Variants in VANGL2 observed in about 807,000 individuals in gnomAD.
VANGL2 encodes the protein VANGL planar cell polarity protein 2.
In VANGL2, 14 loss-of-function variants were observed where a neutral mutation model predicts 50.2. The observed-to-expected ratio is 0.28, with a 90% CI of 0.18 to 0.44. The LOEUF (loss-of-function observed/expected upper bound fraction) is 0.44, where lower values mean the gene tolerates loss of function less well. Among genes scored for constraint, VANGL2 ranks in the 20% least tolerant of loss-of-function variants. The pLI is 1.00. For missense variants in VANGL2, 533 were observed against 701.5 expected (o/e 0.76, Z 2.71); for synonymous variants, 295 against 297.2 (o/e 0.99, Z 0.08).
intron 3 of VANGL2, 121 bp downstream of exon 3, chr1:160,416,303 G>C: frequency 1.3e-6 from 2 of 1,547,254 alleles, no homozygotes; most frequent in Non-Finnish European, 1.8e-6. Flanking sequence ...TCAGATCGGG[G>C]AGTGTGTTTT....
At chr1:160,411,850 G>C (rs1446492363) in intron 1 of VANGL2, among the ~76,000 whole-genome samples, 2 of 152,018 alleles carry the variant, frequency 1.3e-5, no homozygotes, top group Admixed American at 1.3e-4. Flanking sequence ...TGTTTGAAGT[G>C]GTGGTTCTGG....
At chr1:160,422,169 C>T (rs1651297514) in intron 6 of VANGL2, among the ~76,000 whole-genome samples, 1 of 152,188 alleles carries the variant, frequency 6.6e-6, no homozygotes, top group Admixed American at 6.5e-5. Flanking sequence ...TACCTTGTTC[C>T]TATTTGAGGC....
At chr1:160,405,239 T>C (rs1650611894) in intron 1 of VANGL2, among the ~76,000 whole-genome samples, 1 of 152,144 alleles carries the variant, frequency 6.6e-6, no homozygotes, top group African/African-American at 2.4e-5. Flanking sequence ...ACCCTGTGCA[T>C]GATGAGATTT....
Position 160,426,879 on chromosome 1 carries a change from C to G in VANGL2, c.*1501C>G, listed in dbSNP as rs1345121298. The G allele has an allele frequency of 6.6e-6, 1 of 152,310 alleles. No homozygotes were observed. Among genetic ancestry groups the G allele is most frequent in the Non-Finnish European group, 1.5e-5 (1 of 68,108 alleles). 9.4% of individuals were successfully genotyped at this position (152,310 alleles called of 1,614,324 possible). On this transcript the variant is annotated 3_prime_UTR_variant, in exon 8 of 8. Transcript: ENST00000368061. ...CTTTTCCCTGAAAGACTGGTTGGTA[C>G]TTACCTTGCAGAGCACATCCTGGGA... is the stretch of plus-strand genomic sequence containing the variant.
chr1:160,404,863 C>T (rs146951084), intron 1 of VANGL2, among the ~76,000 whole-genome samples: 6 of 152,272 alleles, frequency 3.9e-5, no homozygotes, highest in African/African-American at 7.2e-5. Flanking sequence ...GGAGGCTGAG[C>T]GTGAGCAAGA....
rs1651513229 is a variant in VANGL2, at chr1:160,427,848, T to G, written c.*2470T>G. On this transcript the variant is annotated 3_prime_UTR_variant, in exon 8 of 8. Transcript: ENST00000368061. ...GGCTGGGCCTCACCAGCACTGTCTT[T>G]TGTGTGACTCATGGCATCCTCGTTC... The G allele has an allele frequency of 6.5e-6, 1 of 152,710 alleles. No individual in the cohort carries two copies. Among genetic ancestry groups the G allele is most frequent in the Admixed American group, 6.5e-5 (1 of 15,274 alleles). 9.5% of individuals were successfully genotyped at this position (152,710 alleles called of 1,614,324 possible).
Position 160,419,102 on chromosome 1 carries a change from G to T in VANGL2, c.293G>T (p.Ser98Ile). The T allele has an allele frequency of 1.2e-6, 2 of 1,614,198 alleles. No homozygotes were observed. Among genetic ancestry groups the T allele is most frequent in the South Asian group, 2.2e-5 (2 of 91,088 alleles). ...LTRIAKDMED[S>I]VPLDCSRHLG... ...CGCATCGCCAAGGACATGGAGGACA[G>T]TGTCCCTCTGGACTGCTCCCGTCAC... The change falls in exon 4 of 8, where the codon AGT becomes ATT. Residue 98 changes from serine (S) to isoleucine (I), a missense_variant. Ser to Ile is a moderately radical substitution (Grantham distance 142). Transcript: ENST00000368061. The surrounding 1 kb of genome is among the most constrained non-coding windows in gnomAD (Gnocchi z 5.8).
intron 1 of VANGL2, among the ~76,000 whole-genome samples, chr1:160,402,399 C>CTG (rs1477904254): frequency 2.0e-5 from 3 of 152,128 alleles, no homozygotes; most frequent in African/African-American, 7.2e-5. Context: ...TGCCCTGACT[C>CTG]TAAGATCCTA....
chr1:160,415,194 G>A (rs1353104490), intron 1 of VANGL2, among the ~76,000 whole-genome samples: 1 of 152,200 alleles, frequency 6.6e-6, no homozygotes, highest in Non-Finnish European at 1.5e-5. Context: ...GGGAGGAGGT[G>A]TAGCATGGGG....
At chr1:160,418,562 A>G (rs1452806957) in intron 3 of VANGL2, among the ~76,000 whole-genome samples, 2 of 152,082 alleles carry the variant, frequency 1.3e-5, no homozygotes, top group African/African-American at 4.8e-5. Context: ...GATTGAGAAC[A>G]TCTTCCTTGG....
chr1:160,402,141 T>C (rs1465866599), intron 1 of VANGL2, among the ~76,000 whole-genome samples: 1 of 151,818 alleles, frequency 6.6e-6, no homozygotes, highest in Non-Finnish European at 1.5e-5. Flanking sequence ...GGGGATGGGT[T>C]TTTCTGGAAG....
intron 6 of VANGL2, among the ~76,000 whole-genome samples, chr1:160,423,259 CTG>C (rs1651333407): frequency 6.6e-6 from 1 of 152,008 alleles, no homozygotes; most frequent in South Asian, 2.1e-4. Flanking sequence ...CTCCTTAACA[CTG>C]TGTTTTTGAG....
intron 1 of VANGL2, among the ~76,000 whole-genome samples, chr1:160,415,366 G>T (rs1471922954): frequency 6.6e-6 from 1 of 152,208 alleles, no homozygotes; most frequent in Non-Finnish European, 1.5e-5. Flanking sequence ...CCTTCCAGAG[G>T]GCTTGGGGTT....
intron 1 of VANGL2, among the ~76,000 whole-genome samples, chr1:160,408,168 G>T (rs1035637800): frequency 2.6e-5 from 4 of 151,904 alleles, no homozygotes; most frequent in East Asian, 1.9e-4. Flanking sequence ...TGGGATGGGG[G>T]TGGGGGTGCC....
chr1:160,409,980 G>A (rs1184674922), intron 1 of VANGL2, among the ~76,000 whole-genome samples: 1 of 152,194 alleles, frequency 6.6e-6, no homozygotes, highest in African/African-American at 2.4e-5. Context: ...GTGGGAAAGG[G>A]GTGCAAGGCA....
chr1:160,424,299 T>C lies in VANGL2; in HGVS notation c.1305+16T>C. On this transcript the variant is annotated intron_variant, in intron 7 of 7. Transcript: ENST00000368061. ...GACGCCCAAGGTAGGCCTGCCCTGCTGCCAGCATCCTTCCTCCTTCCCCAG... is the reference window on the plus strand; with the variant it reads ...GACGCCCAAGGTAGGCCTGCCCTGCCGCCAGCATCCTTCCTCCTTCCCCAG... The C allele has an allele frequency of 6.2e-7, 1 of 1,611,554 alleles. No homozygotes were observed.
chr1:160,425,419 T>TGGGGGGGGGCGG lies in VANGL2; in HGVS notation c.*42_*43insGGGGGGGGCGGG. On this transcript the variant is annotated 3_prime_UTR_variant, in exon 8 of 8. Coordinates refer to ENST00000368061, the MANE Select transcript of VANGL2 (RefSeq NM_020335.3). ...GGGAGTGGGAAACTCTGGGGGGTCCTGAGGGGGTGGGAGGGGGCTTGGTTC... is the reference window on the plus strand; with the variant it reads ...GGGAGTGGGAAACTCTGGGGGGTCCTGGGGGGGGGCGGGAGGGGGTGGGAGGGGGCTTGGTTC... 8.2e-6 allele frequency: 2 copies of TGGGGGGGGGCGG among 244,404 alleles called. No individual in the cohort carries two copies. The highest frequency in any genetic ancestry group is 5.7e-6 in the Non-Finnish European group (1 of 174,462). The allele number at this position is 244,404 out of a possible 1,614,324, so 15.1% of individuals were successfully genotyped here. A position where few individuals can be genotyped will look rare whatever the true frequency, so the allele number is the denominator to read the frequency against.
intron 1 of VANGL2, among the ~76,000 whole-genome samples, chr1:160,401,505 T>C (rs1650462139): frequency 6.6e-6 from 1 of 152,076 alleles, no homozygotes. Context: ...CTGTGGGCTC[T>C]GCGTTAGTGA....
intron 3 of VANGL2, 117 bp downstream of exon 3, chr1:160,416,299 C>T (rs79771074): frequency 0.015 from 23,466 of 1,549,700 alleles, 552 homozygotes; most frequent in African/African-American, 0.1. Context: ...GCCATCAGAT[C>T]GGGGAGTGTG....
Sources: gnomAD v4.1 joint callset for allele counts (sites outside exome capture counted in the v4.1 genomes callset) on GRCh38, gnomAD v4.1.1 for gene constraint, Gnocchi (gnomAD v3.1) non-coding constraint, MANE v1.5 for transcripts, NCBI Gene and HGNC (gene_info 2026-07-23, HGNC 2026-07-21) for gene names.